Variants in TANC2 observed in about 807,000 individuals in gnomAD.
TANC2 encodes the protein tetratricopeptide repeat, ankyrin repeat and coiled-coil containing 2.
A neutral mutation model predicts 210.5 loss-of-function variants in TANC2; 26 were observed. That is an observed-to-expected ratio of 0.12 (90% CI 0.09 to 0.17). TANC2 has a LOEUF of 0.17. TANC2 is among the 10% of genes least tolerant of loss of function. TANC2 has a pLI of 1.00. For synonymous variants in TANC2, 931 were observed against 967.1 expected (o/e 0.96, Z 0.69); for missense variants, 2,129 against 2,608.9 (o/e 0.82, Z 4.01).
chr17:63,413,767 C>A, intron 25 of TANC2, 133 bp downstream of exon 25: 1 of 803,134 alleles, frequency 1.2e-6, no homozygotes, highest in Non-Finnish European at 1.9e-6. Context: ...TCAGTGATGG[C>A]CTCATATGTT....
intron 9 of TANC2, among the ~76,000 whole-genome samples, chr17:63,301,239 CT>C (rs1567895068): frequency 6.6e-6 from 1 of 152,006 alleles, no homozygotes; most frequent in African/African-American, 2.4e-5. Flanking sequence ...CTAAAGTTTT[CT>C]TTTTTTGTTG....
chr17:63,082,009 CA>C lies in TANC2; in HGVS notation c.139+8006del, dbSNP rs1228425475. 4.6e-3 allele frequency among the ~76,000 whole-genome samples: 664 copies of C among 144,800 alleles called. 5 individuals carry two copies. The highest frequency in any genetic ancestry group is 0.014 in the African/African-American group (548 of 39,966). 95.0% of individuals were successfully genotyped at this position (144,800 alleles called of 152,430 possible). A position where few individuals can be genotyped will look rare whatever the true frequency, so the allele number is the denominator to read the frequency against. On this transcript the variant is annotated intron_variant, in intron 3 of 27. Transcript: ENST00000689528. ...TGAAACCCCGTCTCTACTAAAAATACAAAAAAAAAAAGTTAGCTGGGCGTGG... is the reference window on the plus strand; with the variant it reads ...TGAAACCCCGTCTCTACTAAAAATACAAAAAAAAAAGTTAGCTGGGCGTGG...
rs559678371 is a variant in TANC2 at position 63,277,278 on chromosome 17, C to CTT, written c.1159+9419_1159+9420dup. Among the ~76,000 whole-genome samples, 1,266 of 141,412 alleles carry CTT rather than the reference C, an allele frequency of 9.0e-3. 7 individuals carry two copies. The highest frequency in any genetic ancestry group is 0.015 in the Middle Eastern group (4 of 272). The allele number at this position is 141,412 out of a possible 152,430, so 92.8% of individuals were successfully genotyped here. On this transcript the variant is annotated intron_variant, in intron 9 of 27. Transcript: ENST00000689528. ...CCTCCTCTGGTCTTTCCATCTTCTT[C>CTT]TTTTTTTTTTTTTTTAACTTTTATT...
rs1185524120 is a variant in TANC2 at position 62,966,255 on chromosome 17, G to T, written c.-518G>T. Among the ~76,000 whole-genome samples the T allele has an allele frequency of 6.8e-6, 1 of 146,110 alleles. No individual in the cohort carries two copies. The highest frequency in any genetic ancestry group is 2.5e-5 in the African/African-American group (1 of 40,774). ...GCGGCGGCGGCGCTAGCGAGCGGCCGGCGGGGCGCGGGTTGCTGGGCGCGC... is the reference window on the plus strand; with the variant it reads ...GCGGCGGCGGCGCTAGCGAGCGGCCTGCGGGGCGCGGGTTGCTGGGCGCGC... On this transcript the variant is annotated 5_prime_UTR_variant, in exon 1 of 28. Coordinates refer to ENST00000689528, the Ensembl canonical transcript of TANC2. This position sits in a 1 kb window ranked among gnomAD's most constrained non-coding sequence, Gnocchi z 5.1.
rs922686207 is a variant in TANC2 at position 63,082,348 on chromosome 17, G to T, written c.139+8334G>T. Among the ~76,000 whole-genome samples the T allele has an allele frequency of 5.3e-5, 8 of 152,210 alleles. No individual in the cohort carries two copies. The South Asian group carries it at 1.2e-3, about 24-fold the overall frequency. Reference sequence around the variant, plus strand: ...GAAGGTATCTATTGGTAAAGCCTGGGGAAAATTATTATAGAGTTGATACAT... The same window carrying T: ...GAAGGTATCTATTGGTAAAGCCTGGTGAAAATTATTATAGAGTTGATACAT... On this transcript the variant is annotated intron_variant, in intron 3 of 27. Coordinates refer to ENST00000689528, the Ensembl canonical transcript of TANC2.
intron 1 of TANC2, among the ~76,000 whole-genome samples, chr17:63,001,144 T>G (rs1380517567): frequency 6.6e-6 from 1 of 152,196 alleles, no homozygotes; most frequent in Non-Finnish European, 1.5e-5. Flanking sequence ...TAATCTGCAC[T>G]CATTTTTTTC....
At chr17:63,144,192 T>A (rs2145339018) in intron 4 of TANC2, among the ~76,000 whole-genome samples, 1 of 152,318 alleles carries the variant, frequency 6.6e-6, no homozygotes, top group East Asian at 1.9e-4. Context: ...AATTGCTGTG[T>A]TAATCTTAAA....
At chr17:63,082,123 G>A (rs144797281) in intron 3 of TANC2, among the ~76,000 whole-genome samples, 4,491 of 152,162 alleles carry the variant, frequency 0.03, 83 homozygotes, top group South Asian at 0.038. Context: ...GTGAGCCAAG[G>A]TCTTGCCACT....
chr17:63,019,802 G>T (rs2034269198), intron 2 of TANC2, among the ~76,000 whole-genome samples: 1 of 134,868 alleles, frequency 7.4e-6, no homozygotes, highest in African/African-American at 2.8e-5. Context: ...ATGTCTTTTG[G>T]CTGTCTTCAA....
intron 17 of TANC2, 157 bp downstream of exon 17, chr17:63,389,701 G>C: frequency 1.4e-6 from 1 of 724,870 alleles, no homozygotes; most frequent in Non-Finnish European, 2.3e-6. Context: ...CATATGTGCA[G>C]GGCCACTGCC....
At chr17:63,327,579 T>A (rs1158127913) in intron 11 of TANC2, among the ~76,000 whole-genome samples, 1 of 152,230 alleles carries the variant, frequency 6.6e-6, no homozygotes, top group African/African-American at 2.4e-5. Flanking sequence ...ACTGGGTATA[T>A]ACCCAAAGAA....
chr17:63,024,563 A>G (rs1222788078), intron 2 of TANC2, among the ~76,000 whole-genome samples: 1 of 152,134 alleles, frequency 6.6e-6, no homozygotes, highest in African/African-American at 2.4e-5. Flanking sequence ...TTCTGTGATT[A>G]AGAATGCCCT....
intron 3 of TANC2, 80 bp downstream of exon 3, chr17:63,074,094 G>T (rs896231907): frequency 1.5e-5 from 16 of 1,098,948 alleles, no homozygotes; most frequent in Non-Finnish European, 2.1e-5. Context: ...TTGGAGACTA[G>T]GATATTGCCA....
intron 3 of TANC2, among the ~76,000 whole-genome samples, chr17:63,092,514 G>A (rs12937801): frequency 6.6e-6 from 1 of 151,974 alleles, no homozygotes; most frequent in Admixed American, 6.6e-5. Context: ...ACCTGAGACT[G>A]GGTAGTATAT....
Position 63,415,384 on chromosome 17 carries a change from A to G in TANC2, c.4021-144A>G, listed in dbSNP as rs2048826539. ...ACTAGACCCTTCTGCCCTCACCATC[A>G]GGGCCAGAACTCCTCTCTAGGCTGG... On this transcript the variant is annotated intron_variant, in intron 25 of 27. Transcript: ENST00000689528. 3 of 1,057,990 alleles carry G rather than the reference A, an allele frequency of 2.8e-6. No individual in the cohort carries two copies. In the South Asian group the frequency reaches 5.2e-5, roughly 18 times the overall value. 65.5% of individuals were successfully genotyped at this position (1,057,990 alleles called of 1,614,324 possible).
In TANC2 at chr17:63,244,397, G is replaced by A. The variant is rs541210465; in HGVS notation, c.1033+6320G>A. On this transcript the variant is annotated intron_variant, in intron 8 of 27. Transcript: ENST00000689528. ...TCTTCAAAGAAATGCTCCAGGATCC[G>A]AATCCTACTCATTTTGTTTTAAATT... 2.6e-5 allele frequency among the ~76,000 whole-genome samples: 4 copies of A among 152,238 alleles called. No individual in the cohort carries two copies. The East Asian group carries it at 7.7e-4, about 29-fold the overall frequency.
intron 3 of TANC2, among the ~76,000 whole-genome samples, chr17:63,080,232 G>A (rs2036723430): frequency 6.6e-6 from 1 of 152,070 alleles, no homozygotes; most frequent in African/African-American, 2.4e-5. Context: ...CAGAAATCTT[G>A]AGTTACTTTA....
At chr17:63,019,342 T>C (rs2034249973) in intron 2 of TANC2, among the ~76,000 whole-genome samples, 1 of 108,392 alleles carries the variant, frequency 9.2e-6, no homozygotes, top group South Asian at 2.7e-4. Context: ...CTCAGCCGCC[T>C]GAGTACCTGG....
At chr17:63,056,219 G>A (rs1025144522) in intron 2 of TANC2, among the ~76,000 whole-genome samples, 24 of 89,236 alleles carry the variant, frequency 2.7e-4, no homozygotes, top group African/African-American at 2.0e-3. Context: ...GGGCAGTGGT[G>A]ATTTTAATTA....
Sources: gnomAD v4.1 joint callset for allele counts (sites outside exome capture counted in the v4.1 genomes callset) on GRCh38, gnomAD v4.1.1 for gene constraint, Gnocchi (gnomAD v3.1) non-coding constraint, MANE v1.5 for transcripts, NCBI Gene and HGNC (gene_info 2026-07-23, HGNC 2026-07-21) for gene names.